Variants in LCLAT1 observed in about 807,000 individuals in gnomAD.
LCLAT1 encodes lysocardiolipin acyltransferase 1.
Under a neutral mutation model 30.7 loss-of-function variants are expected in LCLAT1, and 11 were observed. That is an observed-to-expected ratio of 0.36 (90% CI 0.23 to 0.59). The LOEUF (loss-of-function observed/expected upper bound fraction) is 0.59, where lower values mean the gene tolerates loss of function less well. LCLAT1 is among the 20% of genes least tolerant of loss of function. The probability of loss-of-function intolerance (pLI) is 0.77; values close to 1 mark genes in which losing one functional copy is unlikely to be tolerated. For missense variants in LCLAT1, 402 were observed against 458.6 expected, an observed-to-expected ratio of 0.88 and a Z score of 1.13; for synonymous variants, 155 against 151.3, an observed-to-expected ratio of 1.02 and a Z score of -0.18.
Position 30,461,770 on chromosome 2 carries a change from CT to C in LCLAT1, c.-5+14405del, listed in dbSNP as rs1553354407. On this transcript the variant is annotated intron_variant, in intron 1 of 5. Coordinates refer to ENST00000379509, the MANE Select transcript of LCLAT1 (RefSeq NM_001002257.3). ...TGTGGACCACTTTTTCTAAATTAAA[CT>C]TTTTTTTTTTTTTTTTTGAGACGGA... Among the ~76,000 whole-genome samples, 254 of 131,778 alleles carry C rather than the reference CT, an allele frequency of 1.9e-3. 2 individuals are homozygous for C. The highest frequency in any genetic ancestry group is 4.1e-3 in the Middle Eastern group (1 of 244). The allele number at this position is 131,778 out of a possible 152,430, so 86.5% of individuals were successfully genotyped here.
intron 3 of LCLAT1, among the ~76,000 whole-genome samples, chr2:30,541,588 T>C (rs1017107456): frequency 2.0e-5 from 3 of 152,246 alleles, no homozygotes; most frequent in Admixed American, 6.5e-5. Flanking sequence ...AGACTTTCTG[T>C]TCTCTTCTGT....
At chr2:30,633,795 A>G (rs1668883792) in intron 5 of LCLAT1, among the ~76,000 whole-genome samples, 1 of 152,246 alleles carries the variant, frequency 6.6e-6, no homozygotes, top group South Asian at 2.1e-4. Context: ...GAGTTAAAAA[A>G]ATTGTGTTAT....
At chr2:30,595,532 A>G (rs188734132) in intron 5 of LCLAT1, among the ~76,000 whole-genome samples, 1 of 152,012 alleles carries the variant, frequency 6.6e-6, no homozygotes, top group African/African-American at 2.4e-5. Context: ...TTTCTCACCC[A>G]TTCCTCCCTG....
intron 5 of LCLAT1, among the ~76,000 whole-genome samples, chr2:30,614,694 G>A (rs1667908118): frequency 6.6e-6 from 1 of 152,192 alleles, no homozygotes; most frequent in East Asian, 1.9e-4. Context: ...GTCTAGAAAG[G>A]AGAGAGGCAG....
At chr2:30,579,724 A>G (rs78738536) in intron 5 of LCLAT1, among the ~76,000 whole-genome samples, 2,410 of 152,276 alleles carry the variant, frequency 0.016, 75 homozygotes, top group African/African-American at 0.053. Context: ...CTTAGTTGTC[A>G]TGAAGTCTCA....
rs922947585 is a variant in LCLAT1 at position 30,643,604 on chromosome 2, A to T, written c.*2985A>T. On this transcript the variant is annotated 3_prime_UTR_variant, in exon 6 of 6. Coordinates refer to ENST00000379509, the MANE Select transcript of LCLAT1 (RefSeq NM_001002257.3). ...TGTTAGAAATATATTGGCAGCCAAGACTCTGAACTCTGCAGAAACATTTGT... is the reference window on the plus strand; with the variant it reads ...TGTTAGAAATATATTGGCAGCCAAGTCTCTGAACTCTGCAGAAACATTTGT... 4 of 152,512 alleles carry T rather than the reference A, an allele frequency of 2.6e-5. No homozygotes were observed. Among genetic ancestry groups the T allele is most frequent in the African/African-American group, 9.7e-5 (4 of 41,392 alleles). The allele number at this position is 152,512 out of a possible 1,614,324, so 9.4% of individuals were successfully genotyped here. A position where few individuals can be genotyped will look rare whatever the true frequency, so the allele number is the denominator to read the frequency against.
chr2:30,631,847 A>G (rs894047961), intron 5 of LCLAT1, among the ~76,000 whole-genome samples: 2 of 152,230 alleles, frequency 1.3e-5, no homozygotes, highest in Non-Finnish European at 2.9e-5. Flanking sequence ...GAGAGTTCCA[A>G]GAGCTGTGAT....
intron 2 of LCLAT1, among the ~76,000 whole-genome samples, chr2:30,531,616 G>GAT (rs1685989266): frequency 6.1e-5 from 1 of 16,484 alleles, no homozygotes; most frequent in Non-Finnish European, 3.5e-4. Context: ...GTAACTTAAT[G>GAT]GACCTATGGG....
intron 3 of LCLAT1, among the ~76,000 whole-genome samples, chr2:30,535,913 C>A (rs1280432364): frequency 6.6e-6 from 1 of 151,862 alleles, no homozygotes; most frequent in Non-Finnish European, 1.5e-5. Context: ...GTATTCAACA[C>A]CATCAGGAAA....
intron 1 of LCLAT1, among the ~76,000 whole-genome samples, chr2:30,455,911 A>T (rs1331192916): frequency 5.6e-5 from 1 of 17,762 alleles, no homozygotes. Flanking sequence ...CCCTATATCA[A>T]AAAAAAAAAA....
intron 1 of LCLAT1, among the ~76,000 whole-genome samples, chr2:30,518,391 G>T (rs528188926): frequency 2.6e-5 from 4 of 152,180 alleles, no homozygotes; most frequent in African/African-American, 4.8e-5. Flanking sequence ...AGCAGAGTTA[G>T]AAAAATTGTC....
intron 3 of LCLAT1, among the ~76,000 whole-genome samples, chr2:30,560,087 A>G (rs12465894): frequency 0.11 from 16,395 of 152,182 alleles, 1,162 homozygotes; most frequent in South Asian, 0.22. Context: ...GTGTCCTCAG[A>G]TGAAGGACAG....
intron 3 of LCLAT1, among the ~76,000 whole-genome samples, chr2:30,534,219 CTGTGTG>C (rs57380693): frequency 0.037 from 4,762 of 130,454 alleles, 103 homozygotes; most frequent in African/African-American, 0.077. Flanking sequence ...AGTTGATTTA[CTGTGTG>C]TGTGTGTGTG....
chr2:30,629,534 T>C (rs770217884), intron 5 of LCLAT1, among the ~76,000 whole-genome samples: 8 of 152,170 alleles, frequency 5.3e-5, no homozygotes, highest in Admixed American at 1.3e-4. Context: ...CACTCCAGCC[T>C]GGGCAACAAG....
chr2:30,599,226 C>A (rs1490794172), intron 5 of LCLAT1, among the ~76,000 whole-genome samples: 3 of 152,266 alleles, frequency 2.0e-5, no homozygotes, highest in South Asian at 2.1e-4. Flanking sequence ...AAGTGATCCG[C>A]CCACCTCAGC....
At chr2:30,476,427 C>T (rs746188254) in intron 1 of LCLAT1, 3 of 456,550 alleles carry the variant, frequency 6.6e-6, no homozygotes, top group South Asian at 1.5e-5. Flanking sequence ...TGAATTATCT[C>T]CTGATTTCCA....
chr2:30,580,252 T>C lies in LCLAT1; in HGVS notation c.628+12076T>C, dbSNP rs1379060253. Among the ~76,000 whole-genome samples the C allele has an allele frequency of 5.3e-5, 8 of 152,296 alleles. No homozygotes were observed. The South Asian group carries it at 8.3e-4, about 16-fold the overall frequency. ...GGTCGTAATTTTATACTTGCAAATA[T>C]CAATTTGATCTGAATCAAACTTTTC... On this transcript the variant is annotated intron_variant, in intron 5 of 5. Transcript: ENST00000379509.
intron 1 of LCLAT1, among the ~76,000 whole-genome samples, chr2:30,507,071 A>C (rs1226829890): frequency 6.6e-6 from 1 of 151,998 alleles, no homozygotes; most frequent in African/African-American, 2.4e-5. Context: ...TGTAATAATG[A>C]CTGTTATTGT....
chr2:30,518,941 T>A (rs1685332860), intron 1 of LCLAT1, among the ~76,000 whole-genome samples: 1 of 152,246 alleles, frequency 6.6e-6, no homozygotes, highest in Non-Finnish European at 1.5e-5. Flanking sequence ...GGTATGTGGA[T>A]GATTTAGTTT....
Sources: gnomAD v4.1 joint callset for allele counts (sites outside exome capture counted in the v4.1 genomes callset) on GRCh38, gnomAD v4.1.1 for gene constraint, MANE v1.5 for transcripts, NCBI Gene and HGNC (gene_info 2026-07-23, HGNC 2026-07-21) for gene names.